The following SMPX variants were observed in gnomAD, a reference collection of about 807,000 sequenced individuals.
SMPX encodes small muscle protein X-linked, also known as small muscular protein.
Under a neutral mutation model 6.3 loss-of-function variants are expected in SMPX, and 2 were observed. That is an observed-to-expected ratio of 0.32 (90% CI 0.13 to 0.99). The LOEUF (loss-of-function observed/expected upper bound fraction) is 0.99. Ranked by LOEUF, SMPX falls within the 50% of genes least tolerant of loss-of-function variation. SMPX has a pLI of 0.49. For synonymous variants in SMPX, 32 were observed against 24.7 expected (o/e 1.30, Z -0.88); for missense variants, 60 against 66.8 (o/e 0.90, Z 0.36).
At chrX:21,708,861 C>T (rs931388530) in intron 4 of SMPX, among the ~76,000 whole-genome samples, 1 of 112,343 alleles carries the variant, frequency 8.9e-6, no homozygotes, top group Non-Finnish European at 1.9e-5. Context: ...CTCTTTGATT[C>T]TATGTGTTTA....
intron 4 of SMPX, among the ~76,000 whole-genome samples, chrX:21,734,977 T>C (rs2092809030): frequency 9.0e-6 from 1 of 111,659 alleles, no homozygotes; most frequent in Non-Finnish European, 1.9e-5. Flanking sequence ...GTTTTCACTG[T>C]GTTTGACACT....
At chrX:21,717,533 A>G (rs895412179) in intron 4 of SMPX, among the ~76,000 whole-genome samples, 6 of 112,731 alleles carry the variant, frequency 5.3e-5, no homozygotes, top group Non-Finnish European at 1.9e-5. Flanking sequence ...ATATGCTTAA[A>G]TGGTCTTAAA....
chrX:21,740,103 A>G (rs1203146606), intron 3 of SMPX, among the ~76,000 whole-genome samples: 2 of 112,166 alleles, frequency 1.8e-5, no homozygotes, highest in African/African-American at 6.5e-5. Flanking sequence ...TTTAGTAATT[A>G]GACATGATAT....
At chrX:21,715,307 C>T (rs867973004) in intron 4 of SMPX, among the ~76,000 whole-genome samples, 31 of 95,790 alleles carry the variant, frequency 3.2e-4, no homozygotes, top group African/African-American at 1.2e-3. Context: ...TGTGTGTGCG[C>T]GCACGCGCGC....
rs754777984 is a variant in SMPX at position 21,731,475 on chromosome X, T to C, written c.*14+6074A>G. Among the ~76,000 whole-genome samples, 103 of 84,118 alleles carry C rather than the reference T, an allele frequency of 1.2e-3. 2 individuals are homozygous for C. Among genetic ancestry groups the C allele is most frequent in the African/African-American group, 3.6e-3 (87 of 24,243 alleles). The allele number at this position is 84,118 out of a possible 115,157, so 73.0% of individuals were successfully genotyped here. A position where few individuals can be genotyped will look rare whatever the true frequency, so the allele number is the denominator to read the frequency against. Reference sequence around the variant, plus strand: ...CACATAATGTGTGTATGTGTACACATACACATTATGTGTGTATGTGTACAC... The same window carrying C: ...CACATAATGTGTGTATGTGTACACACACACATTATGTGTGTATGTGTACAC... On this transcript the variant is annotated intron_variant, in intron 4 of 4. Coordinates refer to ENST00000379494, the MANE Select transcript of SMPX (RefSeq NM_014332.3).
chrX:21,712,956 G>T (rs778606127), intron 4 of SMPX, among the ~76,000 whole-genome samples: 1 of 111,779 alleles, frequency 8.9e-6, no homozygotes, highest in African/African-American at 3.3e-5. Flanking sequence ...AATTTTTTTG[G>T]CATTTAACTA....
intron 2 of SMPX, among the ~76,000 whole-genome samples, chrX:21,753,528 A>C (rs1170732496): frequency 8.0e-5 from 9 of 112,144 alleles, no homozygotes; most frequent in Non-Finnish European, 1.7e-4. Flanking sequence ...CTCCATGTTG[A>C]TGGAAAGATG....
At position 21,743,779 on chromosome X, in the gene SMPX, T is replaced by C. The variant is rs1345364055; in HGVS notation, c.103A>G (p.Arg35Gly). Residue 35 changes from arginine to glycine, a missense_variant, in exon 3 of 5, where the codon AGA becomes GGA. Physicochemically the swap from Arg to Gly is moderately radical, Grantham distance 125 (BLOSUM62 -2). Transcript: ENST00000379494. ...TCCACTTCAGGAGTACATTCTTTTC[T>C]TCTGGGGGGTTGACCTGCTCCTGGC... ...FRPGAGQPPR[R>G]KECTPEVEEG... is the part of the protein sequence containing the mutation. The C allele has an allele frequency of 4.1e-6, 5 of 1,207,733 alleles. No homozygotes were observed. Among genetic ancestry groups the C allele is most frequent in the Non-Finnish European group, 5.6e-6 (5 of 893,580 alleles).
At chrX:21,709,204 T>C (rs953177229) in intron 4 of SMPX, among the ~76,000 whole-genome samples, 17 of 112,093 alleles carry the variant, frequency 1.5e-4, no homozygotes, top group African/African-American at 4.2e-4. Context: ...TCCTGGGGTA[T>C]CAGGATCCAG....
chrX:21,736,750 T>C (rs2092810855), intron 4 of SMPX, among the ~76,000 whole-genome samples: 1 of 111,127 alleles, frequency 9.0e-6, no homozygotes, highest in African/African-American at 3.3e-5. Flanking sequence ...AGAAATGGAA[T>C]AGATTGTACA....
At chrX:21,733,067 T>C (rs1280085603) in intron 4 of SMPX, among the ~76,000 whole-genome samples, 3 of 111,764 alleles carry the variant, frequency 2.7e-5, no homozygotes, top group Non-Finnish European at 5.6e-5. Flanking sequence ...TATTTTGTTA[T>C]AGCGGACCGA....
intron 2 of SMPX, 76 bp downstream of exon 2, chrX:21,754,170 C>T (rs2092830302): frequency 1.2e-6 from 1 of 864,563 alleles, no homozygotes. Flanking sequence ...TTGAAGTTCA[C>T]CATCAGCTAG....
intron 1 of SMPX, 65 bp downstream of exon 1, chrX:21,757,877 G>A (rs1302237736): frequency 3.1e-6 from 1 of 317,761 alleles, no homozygotes; most frequent in African/African-American, 2.7e-5. Flanking sequence ...TAGTCACTTC[G>A]AGTTAGGTAT....
chrX:21,734,702 C>T (rs1055940913), intron 4 of SMPX, among the ~76,000 whole-genome samples: 2 of 111,220 alleles, frequency 1.8e-5, no homozygotes, highest in Non-Finnish European at 3.8e-5. Flanking sequence ...GGTCTGGTTC[C>T]GGTTTGGGTC....
At chrX:21,728,376 G>A (rs370971142) in intron 4 of SMPX, among the ~76,000 whole-genome samples, 1 of 110,756 alleles carries the variant, frequency 9.0e-6, no homozygotes, top group Non-Finnish European at 1.9e-5. Context: ...CCATTAAACC[G>A]TGAACCAGGG....
intron 3 of SMPX, among the ~76,000 whole-genome samples, chrX:21,738,192 C>T (rs1312718907): frequency 8.9e-6 from 1 of 112,020 alleles, no homozygotes; most frequent in East Asian, 2.8e-4. Flanking sequence ...CTCTCTCCTG[C>T]TTTGGGAAGT....
At chrX:21,747,637 G>A (rs924344966) in intron 2 of SMPX, among the ~76,000 whole-genome samples, 4 of 111,364 alleles carry the variant, frequency 3.6e-5, no homozygotes, top group Non-Finnish European at 7.5e-5. Flanking sequence ...TCCCCAGTGG[G>A]TTGGATTCTG....
intron 4 of SMPX, among the ~76,000 whole-genome samples, chrX:21,727,864 A>C (rs2092798742): frequency 8.9e-6 from 1 of 112,502 alleles, no homozygotes. Flanking sequence ...CTCAAATGCC[A>C]CAGCATGTGC....
At chrX:21,721,595 G>A (rs1602101369) in intron 4 of SMPX, among the ~76,000 whole-genome samples, 2 of 112,296 alleles carry the variant, frequency 1.8e-5, no homozygotes, top group African/African-American at 6.5e-5. Context: ...TGAAGATTCT[G>A]TGAAACATAC....
Sources: allele counts gnomAD v4.1 joint callset (sites outside exome capture counted in the v4.1 genomes callset), GRCh38; gene constraint gnomAD v4.1.1; transcripts MANE v1.5; gene names NCBI Gene and HGNC (gene_info 2026-07-23, HGNC 2026-07-21).